Variants in LCLAT1 observed in about 807,000 individuals in gnomAD.
LCLAT1 encodes lysocardiolipin acyltransferase 1.
In LCLAT1, 11 loss-of-function variants were observed where a neutral mutation model predicts 30.7. The observed-to-expected ratio is 0.36, with a 90% confidence interval of 0.23 to 0.59. The LOEUF is 0.59. Among genes scored for constraint, LCLAT1 ranks in the 20% least tolerant of loss-of-function variants. The pLI is 0.77. For missense variants in LCLAT1, 402 were observed against 458.6 expected (o/e 0.88, Z 1.13); for synonymous variants, 155 against 151.3 (o/e 1.02, Z -0.18).
intron 4 of LCLAT1, among the ~76,000 whole-genome samples, chr2:30,567,056 CT>C (rs1194979093): frequency 1.3e-5 from 2 of 152,130 alleles, no homozygotes; most frequent in African/African-American, 4.8e-5. Flanking sequence ...GAATGTTGAT[CT>C]GATATATTTG....
At chr2:30,561,822 T>A (rs1449250198) in intron 3 of LCLAT1, among the ~76,000 whole-genome samples, 1 of 152,174 alleles carries the variant, frequency 6.6e-6, no homozygotes, top group African/African-American at 2.4e-5. Flanking sequence ...TCTGTTTAGT[T>A]AGGATTGTTA....
At chr2:30,565,570 A>C (rs1009223190) in intron 4 of LCLAT1, among the ~76,000 whole-genome samples, 1 of 152,162 alleles carries the variant, frequency 6.6e-6, no homozygotes, top group Non-Finnish European at 1.5e-5. Context: ...CATTTCCCTG[A>C]TTTGGAAAGA....
In LCLAT1 at chr2:30,505,232, T is replaced by G. The variant is rs966843325; in HGVS notation, c.-4-20355T>G. 2.6e-5 allele frequency among the ~76,000 whole-genome samples: 4 copies of G among 152,196 alleles called. No homozygotes were observed. The South Asian group carries it at 8.3e-4, about 32-fold the overall frequency. The stretch of plus-strand genomic sequence containing the variant: ...TATTCAGAATAGCAATACCTACTTA[T>G]CAGTTTGCCCTCTAAACTGGGTATA... On this transcript the variant is annotated intron_variant, in intron 1 of 5. Transcript: ENST00000379509.
chr2:30,486,645 C>CT lies in LCLAT1; in HGVS notation c.-4-38938dup, dbSNP rs1260657747. 3.3e-5 allele frequency among the ~76,000 whole-genome samples: 5 copies of CT among 152,296 alleles called. No individual in the cohort carries two copies. In the East Asian group the frequency reaches 9.6e-4, roughly 29 times the overall value. The stretch of plus-strand genomic sequence containing the variant: ...TACCAAATTCCTACCAGAATTTGTT[C>CT]TTTTCATCCTGAACCTGGAGCTAGC... On this transcript the variant is annotated intron_variant, in intron 1 of 5. Transcript: ENST00000379509.
intron 5 of LCLAT1, among the ~76,000 whole-genome samples, chr2:30,624,727 A>T (rs1461015823): frequency 2.0e-5 from 3 of 152,214 alleles, no homozygotes; most frequent in African/African-American, 7.2e-5. Context: ...GAAAGTCAAC[A>T]AAGAAACAGT....
chr2:30,627,072 G>A (rs1243377387), intron 5 of LCLAT1, among the ~76,000 whole-genome samples: 2 of 152,004 alleles, frequency 1.3e-5, no homozygotes, highest in East Asian at 3.9e-4. Flanking sequence ...GTATCAGATG[G>A]GTCTGTGAGA....
At chr2:30,621,720 G>A (rs541147784) in intron 5 of LCLAT1, among the ~76,000 whole-genome samples, 2 of 152,172 alleles carry the variant, frequency 1.3e-5, no homozygotes, top group African/African-American at 4.8e-5. Flanking sequence ...CAAAATACAG[G>A]GGTAGAGGAA....
At chr2:30,616,419 T>C (rs557094004) in intron 5 of LCLAT1, among the ~76,000 whole-genome samples, 1 of 152,330 alleles carries the variant, frequency 6.6e-6, no homozygotes, top group Admixed American at 6.5e-5. Context: ...TTTGTTTTGT[T>C]TGATACACCT....
chr2:30,579,479 A>T (rs1666124037), intron 5 of LCLAT1, among the ~76,000 whole-genome samples: 1 of 152,176 alleles, frequency 6.6e-6, no homozygotes. Context: ...ATCCTTATGC[A>T]TAAATTTGGG....
intron 5 of LCLAT1, among the ~76,000 whole-genome samples, chr2:30,615,274 GC>G (rs1243711652): frequency 6.6e-6 from 1 of 152,088 alleles, no homozygotes; most frequent in Non-Finnish European, 1.5e-5. Context: ...CTAAATACAT[GC>G]GTGGACAGAT....
At chr2:30,499,291 C>T (rs1684254284) in intron 1 of LCLAT1, among the ~76,000 whole-genome samples, 2 of 152,160 alleles carry the variant, frequency 1.3e-5, no homozygotes, top group Non-Finnish European at 2.9e-5. Context: ...AGCGATTCTC[C>T]TGCCTCAGCC....
chr2:30,596,247 C>T (rs1048081731), intron 5 of LCLAT1, among the ~76,000 whole-genome samples: 3 of 152,202 alleles, frequency 2.0e-5, no homozygotes, highest in African/African-American at 7.2e-5. Flanking sequence ...AACTAATTTA[C>T]ATTCCCACCA....
chr2:30,526,996 T>A (rs2148386678), intron 2 of LCLAT1, among the ~76,000 whole-genome samples: 1 of 152,332 alleles, frequency 6.6e-6, no homozygotes, highest in Admixed American at 6.5e-5. Context: ...AATACTCATT[T>A]TTTGTTGCTG....
At chr2:30,573,998 A>G (rs1665890633) in intron 5 of LCLAT1, among the ~76,000 whole-genome samples, 1 of 152,016 alleles carries the variant, frequency 6.6e-6, no homozygotes, top group African/African-American at 2.4e-5. Context: ...AAAATTAGCC[A>G]AGCATTGTGG....
chr2:30,580,427 T>TA (rs1300928487), intron 5 of LCLAT1, among the ~76,000 whole-genome samples: 1 of 152,162 alleles, frequency 6.6e-6, no homozygotes, highest in African/African-American at 2.4e-5. Flanking sequence ...GCAGCAACTA[T>TA]AATGTATTTG....
chr2:30,591,419 G>A (rs1389805324), intron 5 of LCLAT1, among the ~76,000 whole-genome samples: 1 of 152,092 alleles, frequency 6.6e-6, no homozygotes, highest in Non-Finnish European at 1.5e-5. Flanking sequence ...GCTGAGCTTT[G>A]AGTTTAGCAT....
chr2:30,491,770 G>A (rs1572519142), intron 1 of LCLAT1, among the ~76,000 whole-genome samples: 1 of 152,122 alleles, frequency 6.6e-6, no homozygotes, highest in Non-Finnish European at 1.5e-5. Context: ...ATTTGTGGTA[G>A]TACTCCACAA....
At chr2:30,484,448 T>G (rs1039633547) in intron 1 of LCLAT1, among the ~76,000 whole-genome samples, 3 of 152,208 alleles carry the variant, frequency 2.0e-5, no homozygotes, top group Non-Finnish European at 2.9e-5. Flanking sequence ...TTGTACCATG[T>G]GATTCTAGTT....
At chr2:30,462,782 C>G (rs1276951128) in intron 1 of LCLAT1, among the ~76,000 whole-genome samples, 1 of 151,990 alleles carries the variant, frequency 6.6e-6, no homozygotes, top group Non-Finnish European at 1.5e-5. Context: ...GTGAGCTGAT[C>G]AAAGGAAATT....
Sources: allele counts gnomAD v4.1 joint callset (sites outside exome capture counted in the v4.1 genomes callset), GRCh38; gene constraint gnomAD v4.1.1; transcripts MANE v1.5; gene names NCBI Gene and HGNC (gene_info 2026-07-23, HGNC 2026-07-21).